Variants in CDK13 observed in about 807,000 individuals in gnomAD.
CDK13 encodes cyclin dependent kinase 13.
CDK13 carries 40 observed loss-of-function variants against 137.6 expected under a neutral mutation model. The ratio of observed to expected loss-of-function variants is 0.29; its 90% confidence interval spans 0.23 to 0.38. CDK13 has a LOEUF of 0.38. CDK13 is among the 10% of genes least tolerant of loss of function. The pLI, the probability that CDK13 is intolerant of heterozygous loss-of-function variation, is 1.00. For synonymous variants in CDK13, 869 were observed against 760.1 expected (o/e 1.14, Z -2.36); for missense variants, 1,704 against 1,951.8 (o/e 0.87, Z 2.39).
intron 7 of CDK13, chr7:40,048,099 AT>A (rs891009840): frequency 1.7e-5 from 6 of 362,114 alleles, no homozygotes; most frequent in South Asian, 1.0e-4. Flanking sequence ...GGTAAAAATG[AT>A]TTTTTTAAAT....
chr7:39,970,668 C>G (rs1187147193), intron 1 of CDK13, among the ~76,000 whole-genome samples: 1 of 152,026 alleles, frequency 6.6e-6, no homozygotes, highest in East Asian at 1.9e-4. Context: ...ACCCTGTTGG[C>G]CAGGCTGGTC....
chr7:40,021,106 T>TACACACACACAC (rs778814352), intron 5 of CDK13, among the ~76,000 whole-genome samples: 2,499 of 65,046 alleles, frequency 0.038, 89 homozygotes, highest in Non-Finnish European at 0.05. Flanking sequence ...AACAAACGTA[T>TACACACACACAC]ATATATATAT....
intron 6 of CDK13, 59 bp downstream of exon 6, chr7:40,046,084 A>C: frequency 9.5e-7 from 1 of 1,057,732 alleles, no homozygotes; most frequent in Non-Finnish European, 1.4e-6. Flanking sequence ...ATGTACATGG[A>C]GAGAATAGAC....
chr7:40,084,722 A>ATTAAATTAATTAAATGTCATT (rs1241318591), intron 11 of CDK13, among the ~76,000 whole-genome samples: 1 of 152,378 alleles, frequency 6.6e-6, no homozygotes, highest in Non-Finnish European at 1.5e-5. Context: ...CAGTGATGTC[A>ATTAAATTAATTAAATGTCATT]AACATGAATT....
intron 11 of CDK13, among the ~76,000 whole-genome samples, chr7:40,084,395 T>C (rs1275686632): frequency 6.6e-6 from 1 of 152,150 alleles, no homozygotes; most frequent in African/African-American, 2.4e-5. Flanking sequence ...CAAGAATTGC[T>C]TGAATCCAGG....
At chr7:40,030,579 A>C (rs1785356476) in intron 5 of CDK13, among the ~76,000 whole-genome samples, 1 of 151,712 alleles carries the variant, frequency 6.6e-6, no homozygotes, top group Admixed American at 6.6e-5. Context: ...TTGTATTTTT[A>C]ATACAGACAG....
In CDK13 at chr7:39,950,677, C is replaced by T; in HGVS notation, c.36C>T (p.Gly12=). Residue 12 remains glycine (G), a synonymous_variant, in exon 1 of 14, where the codon GGC becomes GGT. Coordinates refer to ENST00000181839, the MANE Select transcript of CDK13 (RefSeq NM_003718.5). ...PSSSDTALGG[G]GGLSWAEKKL... The stretch of plus-strand genomic sequence containing the variant: ...GCTCGGACACGGCGCTGGGGGGAGG[C>T]GGGGGCCTGAGCTGGGCGGAGAAGA... 1 of 1,396,926 alleles carries T rather than the reference C, an allele frequency of 7.2e-7. No individual in the cohort carries two copies. The highest frequency in any genetic ancestry group is 9.3e-7 in the Non-Finnish European group (1 of 1,080,500). 86.5% of individuals were successfully genotyped at this position (1,396,926 alleles called of 1,614,324 possible).
Position 39,951,185 on chromosome 7 carries a change from G to T in CDK13, c.544G>T (p.Ala182Ser). 8.0e-7 allele frequency: 1 copy of T among 1,246,748 alleles called. No individual in the cohort carries two copies. Among genetic ancestry groups the T allele is most frequent in the Non-Finnish European group, 1.0e-6 (1 of 997,594 alleles). 77.2% of individuals were successfully genotyped at this position (1,246,748 alleles called of 1,614,324 possible). A position where few individuals can be genotyped will look rare whatever the true frequency, so the allele number is the denominator to read the frequency against. The part of the protein sequence containing the change: ...GGTGGSGGSP[A>S]SSSGTQRRGE... ...AACGGGGGGCAGCGGCGGGAGTCCGGCCTCCTCCTCCGGCACCCAGCGGCG... is the reference window on the plus strand; with the variant it reads ...AACGGGGGGCAGCGGCGGGAGTCCGTCCTCCTCCTCCGGCACCCAGCGGCG... Residue 182 changes from alanine to serine, a missense_variant, in exon 1 of 14, where the codon GCC (alanine) becomes TCC (serine). By Grantham distance (99) the Ala-to-Ser change is moderately conservative. Around this residue, in one of 5 missense-constraint regions of CDK13, gnomAD observed 1,051 missense variants for 931.0 expected, o/e 1.13. Coordinates refer to ENST00000181839, the MANE Select transcript of CDK13 (RefSeq NM_003718.5).
chr7:40,000,437 G>A (rs760742381), intron 4 of CDK13, among the ~76,000 whole-genome samples: 4 of 152,166 alleles, frequency 2.6e-5, no homozygotes, highest in African/African-American at 4.8e-5. Flanking sequence ...CAGCTACTTG[G>A]GAGGCTGAGG....
chr7:40,097,817 A>G lies in CDK13; in HGVS notation c.*2837A>G, dbSNP rs1329105379. The stretch of plus-strand genomic sequence containing the variant: ...AAACCTTAAAATGCCAATTTTAAGG[A>G]GTTGTCATTTGTGGAATGTGAAATA... On this transcript the variant is annotated 3_prime_UTR_variant, in exon 14 of 14. Transcript: ENST00000181839. 6.6e-6 allele frequency: 1 copy of G among 152,078 alleles called. No homozygotes were observed. Among genetic ancestry groups the G allele is most frequent in the African/African-American group, 2.4e-5 (1 of 41,440 alleles). The allele number at this position is 152,078 out of a possible 1,614,324, so 9.4% of individuals were successfully genotyped here. A position where few individuals can be genotyped will look rare whatever the true frequency, so the allele number is the denominator to read the frequency against.
chr7:40,018,582 A>T (rs935968362), intron 5 of CDK13, among the ~76,000 whole-genome samples: 2 of 152,198 alleles, frequency 1.3e-5, no homozygotes, highest in African/African-American at 4.8e-5. Flanking sequence ...CAGCCATAAA[A>T]AAGAATGAGA....
intron 2 of CDK13, among the ~76,000 whole-genome samples, chr7:39,997,114 T>C (rs976220457): frequency 6.6e-6 from 1 of 152,164 alleles, no homozygotes; most frequent in Non-Finnish European, 1.5e-5. Flanking sequence ...ATAACAGTCT[T>C]ACATTTATAG....
chr7:40,066,002 T>C (rs78814150), intron 9 of CDK13, among the ~76,000 whole-genome samples: 2,380 of 152,184 alleles, frequency 0.016, 25 homozygotes, highest in South Asian at 0.04. Context: ...CTGAGCAATA[T>C]AGTGAGAACT....
intron 5 of CDK13, among the ~76,000 whole-genome samples, chr7:40,004,069 G>A (rs754256756): frequency 6.6e-6 from 1 of 152,044 alleles, no homozygotes; most frequent in Admixed American, 6.6e-5. Flanking sequence ...CTCAGTGGCT[G>A]GACCATAGAA....
intron 6 of CDK13, among the ~76,000 whole-genome samples, chr7:40,046,833 C>A (rs1408537746): frequency 6.6e-6 from 1 of 151,626 alleles, no homozygotes; most frequent in Non-Finnish European, 1.5e-5. Flanking sequence ...GAAACCCTGT[C>A]TCTACTAAAA....
At position 40,078,735 on chromosome 7, in the gene CDK13, G is replaced by A. The variant is rs149612730; in HGVS notation, c.2913G>A (p.Ala971=). 36 of 1,531,236 alleles carry A rather than the reference G, an allele frequency of 2.4e-5. No individual in the cohort carries two copies. Among genetic ancestry groups the A allele is most frequent in the South Asian group, 2.2e-4 (17 of 76,978 alleles). The allele number at this position is 1,531,236 out of a possible 1,614,324, so 94.9% of individuals were successfully genotyped here. ...REEFVFIPAA[A]LDLFDYMLAL... ...CTCATGCTAGTATTCCTGCAGCTGC[G>A]CTAGACTTATTTGATTACATGCTTG... Residue 971 remains alanine, a synonymous_variant, in exon 11 of 14, where the codon GCG becomes GCA. Transcript: ENST00000181839.
intron 7 of CDK13, among the ~76,000 whole-genome samples, chr7:40,053,837 A>G (rs1785950201): frequency 6.6e-6 from 1 of 151,652 alleles, no homozygotes; most frequent in Admixed American, 6.6e-5. Flanking sequence ...TATTATACAT[A>G]GTTTCCTTTC....
intron 5 of CDK13, among the ~76,000 whole-genome samples, chr7:40,028,628 G>T (rs1785298165): frequency 6.6e-6 from 1 of 152,064 alleles, no homozygotes; most frequent in Non-Finnish European, 1.5e-5. Flanking sequence ...TTATTCCCCT[G>T]ATGGTGGTCT....
intron 2 of CDK13, among the ~76,000 whole-genome samples, chr7:39,991,971 G>A (rs1399919467): frequency 6.6e-6 from 1 of 152,034 alleles, no homozygotes; most frequent in African/African-American, 2.4e-5. Flanking sequence ...AGCATCACCT[G>A]AGCCCAAGAG....
Sources: allele counts gnomAD v4.1 joint callset (sites outside exome capture counted in the v4.1 genomes callset), GRCh38; gene constraint gnomAD v4.1.1; regional missense constraint gnomAD v4.1.1; transcripts MANE v1.5; gene names NCBI Gene and HGNC (gene_info 2026-07-23, HGNC 2026-07-21).